Variants in GALNT13 observed in about 807,000 individuals in gnomAD.
GALNT13 encodes UDP-GalNAc:polypeptide N-acetylgalactosaminyltransferase 13.
A neutral mutation model predicts 64.2 loss-of-function variants in GALNT13; 28 were observed. The observed-to-expected ratio is 0.44, with a 90% CI of 0.32 to 0.60. The LOEUF (loss-of-function observed/expected upper bound fraction) is 0.60, where lower values mean the gene tolerates loss of function less well. Ranked by LOEUF, GALNT13 falls within the 20% of genes least tolerant of loss-of-function variation. The pLI, the probability that GALNT13 is intolerant of heterozygous loss-of-function variation, is 0.05. For missense variants in GALNT13, 577 were observed against 669.8 expected, an observed-to-expected ratio of 0.86 and a Z score of 1.53; for synonymous variants, 214 against 224.6, an observed-to-expected ratio of 0.95 and a Z score of 0.42.
At chr2:153,598,152 A>C in the GALNT13 span, among the ~76,000 whole-genome samples, 1 of 152,098 alleles carries the variant, frequency 6.6e-6, no homozygotes, top group East Asian at 1.9e-4. Context: ...AAAGCCCTCT[A>C]ATGGCTTCCT....
At chr2:153,241,153 C>G in the GALNT13 span, among the ~76,000 whole-genome samples, 3 of 150,088 alleles carry the variant, frequency 2.0e-5, no homozygotes, top group African/African-American at 7.3e-5. Flanking sequence ...TCCAGCAGGC[C>G]TAACTCAGAA....
chr2:153,139,522 G>C, the GALNT13 span, among the ~76,000 whole-genome samples: 2 of 152,102 alleles, frequency 1.3e-5, no homozygotes, highest in Non-Finnish European at 2.9e-5. Context: ...GGAAAAGATT[G>C]GCTGGGGCAT....
the GALNT13 span, among the ~76,000 whole-genome samples, chr2:153,695,611 AC>A: frequency 2.0e-5 from 3 of 152,170 alleles, no homozygotes; most frequent in Admixed American, 1.3e-4. Context: ...TGGCTTTATG[AC>A]CAATTTCACT....
the GALNT13 span, among the ~76,000 whole-genome samples, chr2:153,389,308 G>A: frequency 6.6e-6 from 1 of 152,028 alleles, no homozygotes; most frequent in Non-Finnish European, 1.5e-5. Context: ...CATCAGTGTT[G>A]GTTTGTTCAT....
chr2:153,846,686 A>G, the GALNT13 span, among the ~76,000 whole-genome samples: 1 of 152,136 alleles, frequency 6.6e-6, no homozygotes, highest in Non-Finnish European at 1.5e-5. Flanking sequence ...AGTGAACTTG[A>G]CATATGTTAC....
chr2:153,409,326 T>G, the GALNT13 span, among the ~76,000 whole-genome samples: 9 of 147,132 alleles, frequency 6.1e-5, no homozygotes, highest in Admixed American at 2.0e-4. Context: ...ATGTATATAT[T>G]CATATGTATA....
At chr2:153,622,030 A>G in the GALNT13 span, among the ~76,000 whole-genome samples, 2 of 152,158 alleles carry the variant, frequency 1.3e-5, no homozygotes, top group Non-Finnish European at 2.9e-5. Flanking sequence ...AGGTATGACT[A>G]TAAAGGAAGC....
chr2:154,002,242 G>A (rs1209018991), intron 3 of GALNT13, among the ~76,000 whole-genome samples: 4 of 151,976 alleles, frequency 2.6e-5, no homozygotes, highest in African/African-American at 4.8e-5. Flanking sequence ...AGCCATTATT[G>A]TCTTAAATAA....
chr2:153,827,346 G>C, the GALNT13 span, among the ~76,000 whole-genome samples: 1 of 152,142 alleles, frequency 6.6e-6, no homozygotes, highest in African/African-American at 2.4e-5. Context: ...GGTGGAGGCT[G>C]GGCACAGTGG....
At chr2:154,029,075 C>T (rs1698168897) in intron 3 of GALNT13, among the ~76,000 whole-genome samples, 1 of 151,474 alleles carries the variant, frequency 6.6e-6, no homozygotes, top group Non-Finnish European at 1.5e-5. Context: ...ATATAGCAAC[C>T]CTATTGACTG....
At chr2:153,573,843 TTG>T in the GALNT13 span, among the ~76,000 whole-genome samples, 1 of 152,138 alleles carries the variant, frequency 6.6e-6, no homozygotes, top group African/African-American at 2.4e-5. Context: ...GTTCATTGTT[TTG>T]TCTTTCTACT....
the GALNT13 span, among the ~76,000 whole-genome samples, chr2:153,078,603 G>A: frequency 1.9e-4 from 29 of 152,098 alleles, no homozygotes; most frequent in South Asian, 8.3e-4. Context: ...GAGCCATCAC[G>A]CCTGGCCTCA....
chr2:153,848,187 T>G, the GALNT13 span, among the ~76,000 whole-genome samples: 1 of 152,300 alleles, frequency 6.6e-6, no homozygotes. Context: ...TGTGCCATAC[T>G]GGTGGGATTT....
At chr2:153,217,527 C>G in the GALNT13 span, among the ~76,000 whole-genome samples, 15 of 151,972 alleles carry the variant, frequency 9.9e-5, no homozygotes, top group Non-Finnish European at 2.1e-4. Flanking sequence ...TTTTTACTTT[C>G]TTTGTGGTTT....
the GALNT13 span, among the ~76,000 whole-genome samples, chr2:153,246,318 G>A: frequency 1.7e-3 from 252 of 152,172 alleles, 7 homozygotes; most frequent in East Asian, 0.043. Flanking sequence ...GATAGTCCTC[G>A]AAGAGATCAA....
the GALNT13 span, among the ~76,000 whole-genome samples, chr2:153,664,624 T>C: frequency 6.6e-6 from 1 of 152,188 alleles, no homozygotes; most frequent in African/African-American, 2.4e-5. Flanking sequence ...AAGTGATAAA[T>C]GTCCATGAAA....
chr2:153,641,306 A>G, the GALNT13 span, among the ~76,000 whole-genome samples: 5 of 152,170 alleles, frequency 3.3e-5, no homozygotes, highest in African/African-American at 1.2e-4. Context: ...TCCGTTAGAA[A>G]TATTTCTTAA....
intron 4 of GALNT13, among the ~76,000 whole-genome samples, chr2:154,216,802 C>CTTTTTTTTTT (rs397872685): frequency 4.2e-5 from 3 of 71,294 alleles, no homozygotes; most frequent in Non-Finnish European, 5.2e-5. Flanking sequence ...TTCTCTCTCT[C>CTTTTTTTTTT]TTTTTTTTTT....
intron 9 of GALNT13, among the ~76,000 whole-genome samples, chr2:154,376,254 CT>C (rs1697987202): frequency 6.6e-6 from 1 of 152,144 alleles, no homozygotes; most frequent in South Asian, 2.1e-4. Flanking sequence ...ATGAGCAAAT[CT>C]CATCTTCATT....
Sources: gnomAD v4.1 joint callset for allele counts (sites outside exome capture counted in the v4.1 genomes callset) on GRCh38, gnomAD v4.1.1 for gene constraint, MANE v1.5 for transcripts, NCBI Gene and HGNC (gene_info 2026-07-23, HGNC 2026-07-21) for gene names.